The following EBF3 variants were observed in gnomAD, a reference collection of about 807,000 sequenced individuals.
EBF3 encodes EBF transcription factor 3.
A neutral mutation model predicts 77.1 loss-of-function variants in EBF3; 18 were observed. That is an observed-to-expected ratio of 0.23 (90% CI 0.16 to 0.35). EBF3 has a LOEUF of 0.35. Among genes scored for constraint, EBF3 ranks in the 10% least tolerant of loss-of-function variants. EBF3 has a pLI of 1.00. For missense variants in EBF3, 558 were observed against 860.0 expected, an observed-to-expected ratio of 0.65 and a Z score of 4.39; for synonymous variants, 350 against 343.5, an observed-to-expected ratio of 1.02 and a Z score of -0.21.
At chr10:129,896,503 G>T (rs944754733) in intron 6 of EBF3, among the ~76,000 whole-genome samples, 2 of 152,226 alleles carry the variant, frequency 1.3e-5, no homozygotes, top group Non-Finnish European at 2.9e-5. Flanking sequence ...CGGGGCGGGG[G>T]CCGGCGTGGG....
At chr10:129,866,721 G>A (rs963114237) in intron 10 of EBF3, among the ~76,000 whole-genome samples, 7 of 152,156 alleles carry the variant, frequency 4.6e-5, no homozygotes, top group South Asian at 2.1e-4. Context: ...TCTGAGCCTC[G>A]GCCTGTGCAG....
chr10:129,916,803 C>A (rs1855911308), intron 6 of EBF3, among the ~76,000 whole-genome samples: 1 of 152,170 alleles, frequency 6.6e-6, no homozygotes, highest in South Asian at 2.1e-4. Flanking sequence ...GGGACAGAGG[C>A]CAGCACAGCC....
At chr10:129,957,377 G>T (rs1448638460) in intron 5 of EBF3, 51 bp from the exon 6 acceptor site, 2 of 1,440,050 alleles carry the variant, frequency 1.4e-6, no homozygotes. Flanking sequence ...CCCCTTTTAT[G>T]CCCGACTTGT....
chr10:129,858,972 C>G (rs1422255746), intron 10 of EBF3, among the ~76,000 whole-genome samples: 4 of 152,218 alleles, frequency 2.6e-5, no homozygotes, highest in Admixed American at 6.5e-5. Flanking sequence ...CCTCCTATCT[C>G]AACGGGAGCT....
In EBF3 at chr10:129,848,299, T is replaced by TC; in HGVS notation, c.1128+92dup. 1 of 1,306,568 alleles carries TC rather than the reference T, an allele frequency of 7.7e-7. No individual in the cohort carries two copies. The highest frequency in any genetic ancestry group is 2.0e-4 in the Middle Eastern group (1 of 5,028). 80.9% of individuals were successfully genotyped at this position (1,306,568 alleles called of 1,614,324 possible). A position where few individuals can be genotyped will look rare whatever the true frequency, so the allele number is the denominator to read the frequency against. ...GGCACAGAGTTTGGGGAATCTGCAA[T>TC]CCCCCCTTCCCAGAGCACCTGCTGC... On this transcript the variant is annotated intron_variant, in intron 11 of 16. Transcript: ENST00000440978. This position sits in a 1 kb window ranked among gnomAD's most constrained non-coding sequence, Gnocchi z 4.4.
At chr10:129,907,716 T>C (rs1855245563) in intron 6 of EBF3, among the ~76,000 whole-genome samples, 1 of 152,200 alleles carries the variant, frequency 6.6e-6, no homozygotes, top group Non-Finnish European at 1.5e-5. Flanking sequence ...TGAGACTGGA[T>C]AGAGAGCCAT....
At chr10:129,900,718 C>T (rs1363926497) in intron 6 of EBF3, among the ~76,000 whole-genome samples, 1 of 152,262 alleles carries the variant, frequency 6.6e-6, no homozygotes, top group Non-Finnish European at 1.5e-5. Flanking sequence ...CCTGTGAGAG[C>T]ACTCATGAGG....
At chr10:129,856,692 G>A (rs1431364477) in intron 10 of EBF3, among the ~76,000 whole-genome samples, 1 of 152,220 alleles carries the variant, frequency 6.6e-6, no homozygotes, top group African/African-American at 2.4e-5. Flanking sequence ...AGGGAAGGAG[G>A]AATGGGGCAA....
Position 129,873,561 on chromosome 10 carries a change from G to A in EBF3, c.672C>T (p.His224=), listed in dbSNP as rs371268793. 38 of 1,570,154 alleles carry A rather than the reference G, an allele frequency of 2.4e-5. No homozygotes were observed. The highest frequency in any genetic ancestry group is 1.7e-4 in the Middle Eastern group (1 of 5,928). The change falls in exon 8 of 17, where the codon CAC becomes CAT. Residue 224 remains histidine, a synonymous_variant. Transcript: ENST00000440978. The part of the protein sequence containing the change: ...VVSTTVNVDG[H]VLAVSDNMFV... ...ACATGTTGTCTGACACGGCCAGCACGTGGCCGTCCACGTTGACTGTTGTCG... is the reference window on the plus strand; with the variant it reads ...ACATGTTGTCTGACACGGCCAGCACATGGCCGTCCACGTTGACTGTTGTCG...
At chr10:129,875,260 G>A (rs943904787) in intron 7 of EBF3, among the ~76,000 whole-genome samples, 7 of 137,172 alleles carry the variant, frequency 5.1e-5, no homozygotes, top group Non-Finnish European at 9.1e-5. Context: ...GCAGTGGCAC[G>A]ATCTCAGCTC....
At chr10:129,839,225 T>C (rs1293099566) in intron 15 of EBF3, 30 bp from the exon 16 acceptor site, 28 of 1,022,406 alleles carry the variant, frequency 2.7e-5, no homozygotes, top group Non-Finnish European at 3.6e-5. Context: ...CAGTAAATAC[T>C]GGTTGAATGG....
chr10:129,893,286 T>A (rs1208011361), intron 6 of EBF3, among the ~76,000 whole-genome samples: 1 of 152,124 alleles, frequency 6.6e-6, no homozygotes, highest in East Asian at 1.9e-4. Flanking sequence ...TCAAGCAAAT[T>A]AAACACACTC....
At chr10:129,872,194 GGAACTGAGGACCGGGGATTC>G (rs1308394242) in intron 8 of EBF3, among the ~76,000 whole-genome samples, 1 of 152,156 alleles carries the variant, frequency 6.6e-6, no homozygotes, top group Admixed American at 6.5e-5. Flanking sequence ...AGGGAAGCGA[GGAACTGAGGACCGGGGATTC>G]AACCTTCTTA....
chr10:129,873,357 G>C lies in EBF3; in HGVS notation c.781+95C>G, dbSNP rs538279623. 2.0e-3 allele frequency: 2,742 copies of C among 1,341,942 alleles called. 4 individuals carry two copies. Among genetic ancestry groups the C allele is most frequent in the Non-Finnish European group, 2.5e-3 (2,594 of 1,036,782 alleles). The allele number at this position is 1,341,942 out of a possible 1,614,324, so 83.1% of individuals were successfully genotyped here. A position where few individuals can be genotyped will look rare whatever the true frequency, so the allele number is the denominator to read the frequency against. On this transcript the variant is annotated intron_variant, in intron 8 of 16. Coordinates refer to ENST00000440978, the MANE Select transcript of EBF3 (RefSeq NM_001375380.1). ...GCAGGAGGTCTGACCAAGGGCGGGG[G>C]CCTGGTGAGAGTAACTCCACATGAA... is the stretch of plus-strand genomic sequence containing the variant.
intron 7 of EBF3, among the ~76,000 whole-genome samples, chr10:129,876,885 A>ATCCCC (rs1852809898): frequency 2.4e-5 from 1 of 42,368 alleles, no homozygotes; most frequent in Admixed American, 3.9e-4. Flanking sequence ...TCATCCCTGA[A>ATCCCC]CCCCCCCCCC....
rs1252382566 is a variant in EBF3 at position 129,962,979 on chromosome 10, G to A, written c.318C>T (p.Asn106=). ...EKEPNNEKTN[N]GIHYKLQLLY... Reference sequence around the variant, plus strand: ...ATAACTGGAGTTTATAGTGGATGCCGTTGTTGGTTTTCTCGTTGTTTGGCT... The same window carrying A: ...ATAACTGGAGTTTATAGTGGATGCCATTGTTGGTTTTCTCGTTGTTTGGCT... Residue 106 remains asparagine (N), a synonymous_variant, in exon 3 of 17, where the codon AAC becomes AAT. Coordinates refer to ENST00000440978, the MANE Select transcript of EBF3 (RefSeq NM_001375380.1). 12 of 1,614,020 alleles carry A rather than the reference G, an allele frequency of 7.4e-6. No individual in the cohort carries two copies. Among genetic ancestry groups the A allele is most frequent in the African/African-American group, 1.3e-5 (1 of 74,928 alleles).
rs59400064 is a variant in EBF3, at chr10:129,947,713, G to A, written c.554+9545C>T. ...AAAAAAAAAAAAAGAAGGGCAGGACGGGCAAACTTCTGAAAGCCTGGTGAA... is the reference window on the plus strand; with the variant it reads ...AAAAAAAAAAAAAGAAGGGCAGGACAGGCAAACTTCTGAAAGCCTGGTGAA... On this transcript the variant is annotated intron_variant, in intron 6 of 16. Coordinates refer to ENST00000440978, the MANE Select transcript of EBF3 (RefSeq NM_001375380.1). This position sits in a 1 kb window ranked among gnomAD's most constrained non-coding sequence, Gnocchi z 4.5. 5.6e-3 allele frequency among the ~76,000 whole-genome samples: 842 copies of A among 150,710 alleles called. 7 individuals carry two copies. The highest frequency in any genetic ancestry group is 0.019 in the African/African-American group (778 of 41,086).
At chr10:129,838,306 C>T (rs1413197450) in intron 16 of EBF3, among the ~76,000 whole-genome samples, 5 of 152,222 alleles carry the variant, frequency 3.3e-5, no homozygotes, top group Admixed American at 2.0e-4. Flanking sequence ...GCAAAGCCAA[C>T]GGAGGCCCGG....
intron 6 of EBF3, among the ~76,000 whole-genome samples, chr10:129,910,539 C>T (rs1554916590): frequency 6.6e-6 from 1 of 152,118 alleles, no homozygotes; most frequent in Non-Finnish European, 1.5e-5. Flanking sequence ...GGCAGATATA[C>T]ACCAAATCTC....
Sources: gnomAD v4.1 joint callset for allele counts (sites outside exome capture counted in the v4.1 genomes callset) on GRCh38, gnomAD v4.1.1 for gene constraint, Gnocchi (gnomAD v3.1) non-coding constraint, MANE v1.5 for transcripts, NCBI Gene and HGNC (gene_info 2026-07-23, HGNC 2026-07-21) for gene names.